The following DCDC2C variants were observed in gnomAD, a reference collection of about 807,000 sequenced individuals.
The protein encoded by DCDC2C is doublecortin domain containing 2C.
Under a neutral mutation model 45.0 loss-of-function variants are expected in DCDC2C, and 44 were observed. The ratio of observed to expected loss-of-function variants is 0.98; its 90% CI spans 0.77 to 1.26. The LOEUF is 1.26. Among genes scored for constraint, DCDC2C ranks in the 50% most tolerant of loss-of-function variants. The pLI is 0.00. For missense variants in DCDC2C, 447 were observed against 468.9 expected (o/e 0.95, Z 0.43); for synonymous variants, 187 against 178.8 (o/e 1.05, Z -0.37).
At chr2:3,768,520 C>T (rs1189568258) in intron 7 of DCDC2C, among the ~76,000 whole-genome samples, 1 of 152,194 alleles carries the variant, frequency 6.6e-6, no homozygotes, top group Non-Finnish European at 1.5e-5. Flanking sequence ...TCTGCAGCAG[C>T]TGAACATTTT....
chr2:3,840,296 A>G (rs956745067), intron 10 of DCDC2C, among the ~76,000 whole-genome samples: 1 of 152,196 alleles, frequency 6.6e-6, no homozygotes, highest in Non-Finnish European at 1.5e-5. Context: ...ACCTGGAAAG[A>G]CCCTGTCACC....
chr2:3,779,209 G>A (rs2148172337), intron 9 of DCDC2C, among the ~76,000 whole-genome samples: 1 of 152,368 alleles, frequency 6.6e-6, no homozygotes, highest in South Asian at 2.1e-4. Context: ...GGAGGTGAAG[G>A]AAGGCAGCAG....
chr2:3,741,828 T>C, intron 3 of DCDC2C, 92 bp from the exon 4 acceptor site: 1 of 1,346,336 alleles, frequency 7.4e-7, no homozygotes, highest in East Asian at 2.6e-5. Context: ...CTCATTGTTT[T>C]TACAGTTCTG....
intron 10 of DCDC2C, among the ~76,000 whole-genome samples, chr2:3,805,639 A>T (rs909161095): frequency 6.6e-6 from 1 of 152,210 alleles, no homozygotes; most frequent in Non-Finnish European, 1.5e-5. Flanking sequence ...TAAAAGAAGT[A>T]ATTAGGTTTT....
chr2:3,807,810 A>G (rs1390813393), intron 10 of DCDC2C, among the ~76,000 whole-genome samples: 2 of 152,014 alleles, frequency 1.3e-5, no homozygotes, highest in African/African-American at 4.8e-5. Context: ...TCAGAGTGTC[A>G]TAGGCTGGAA....
At chr2:3,783,616 C>T (rs1670571947) in intron 9 of DCDC2C, among the ~76,000 whole-genome samples, 1 of 152,246 alleles carries the variant, frequency 6.6e-6, no homozygotes, top group Admixed American at 6.5e-5. Context: ...CCTTTCATAT[C>T]ACCTTGCACA....
intron 10 of DCDC2C, among the ~76,000 whole-genome samples, chr2:3,797,002 A>C (rs1670975499): frequency 6.6e-6 from 1 of 151,562 alleles, no homozygotes; most frequent in Non-Finnish European, 1.5e-5. Context: ...CTGGTCCTGG[A>C]CTCTTTTTGG....
At chr2:3,805,930 G>A (rs754822436) in intron 10 of DCDC2C, among the ~76,000 whole-genome samples, 2 of 152,102 alleles carry the variant, frequency 1.3e-5, no homozygotes, top group Non-Finnish European at 2.9e-5. Flanking sequence ...GCTAGAGTGC[G>A]GGTTGTACTG....
At chr2:3,768,923 G>A (rs2148153645) in intron 7 of DCDC2C, 1 of 168,646 alleles carries the variant, frequency 5.9e-6, no homozygotes, top group South Asian at 1.7e-4. Flanking sequence ...GTCCAGTGGG[G>A]TTACTTTGCA....
At chr2:3,720,287 G>A (rs562099235) in intron 2 of DCDC2C, among the ~76,000 whole-genome samples, 10 of 152,318 alleles carry the variant, frequency 6.6e-5, no homozygotes, top group South Asian at 2.1e-4. Flanking sequence ...AGTCAGCTGC[G>A]GAAAGTATCA....
intron 10 of DCDC2C, among the ~76,000 whole-genome samples, chr2:3,810,368 T>C (rs1362913068): frequency 6.6e-6 from 1 of 152,244 alleles, no homozygotes; most frequent in Non-Finnish European, 1.5e-5. Flanking sequence ...TTTTCATGTA[T>C]TTGTTAGCCA....
chr2:3,781,388 G>A (rs906314217), intron 9 of DCDC2C, among the ~76,000 whole-genome samples: 4 of 152,170 alleles, frequency 2.6e-5, no homozygotes, highest in African/African-American at 4.8e-5. Flanking sequence ...CTCAAAGACC[G>A]GGATTGTGTC....
intron 8 of DCDC2C, among the ~76,000 whole-genome samples, chr2:3,777,692 T>A (rs1281467864): frequency 6.6e-6 from 1 of 152,246 alleles, no homozygotes; most frequent in African/African-American, 2.4e-5. Context: ...GGTCTGAGTT[T>A]TCAGAAGGTC....
intron 8 of DCDC2C, among the ~76,000 whole-genome samples, chr2:3,775,083 G>A (rs922465626): frequency 2.8e-5 from 4 of 143,298 alleles, no homozygotes; most frequent in African/African-American, 1.0e-4. Flanking sequence ...TTTTTTTTTT[G>A]GGTGAGGAAC....
intron 9 of DCDC2C, among the ~76,000 whole-genome samples, chr2:3,782,623 C>A (rs1015560643): frequency 2.6e-5 from 4 of 152,072 alleles, no homozygotes; most frequent in Non-Finnish European, 5.9e-5. Flanking sequence ...GGACTACAGG[C>A]ACCTGCCACC....
At chr2:3,722,391 A>T (rs1668526051) in intron 2 of DCDC2C, among the ~76,000 whole-genome samples, 1 of 152,160 alleles carries the variant, frequency 6.6e-6, no homozygotes, top group Non-Finnish European at 1.5e-5. Flanking sequence ...TGTTACCTAG[A>T]TATTTTGCCT....
chr2:3,708,462 C>A, intron 1 of DCDC2C, 87 bp from the exon 2 acceptor site: 3 of 1,049,476 alleles, frequency 2.9e-6, no homozygotes, highest in Non-Finnish European at 2.7e-6. Flanking sequence ...TCTATTAAGC[C>A]GGAAAAGGAC....
intron 3 of DCDC2C, among the ~76,000 whole-genome samples, chr2:3,728,395 A>G (rs975403484): frequency 5.3e-5 from 8 of 152,192 alleles, no homozygotes; most frequent in Non-Finnish European, 1.0e-4. Context: ...GTATTTCTGA[A>G]TTTTGTTAGT....
At chr2:3,807,981 A>G (rs1489153862) in intron 10 of DCDC2C, among the ~76,000 whole-genome samples, 1 of 152,226 alleles carries the variant, frequency 6.6e-6, no homozygotes, top group Non-Finnish European at 1.5e-5. Flanking sequence ...TTTGGGTCCA[A>G]CTTTTGAATA....
Sources: allele counts gnomAD v4.1 joint callset (sites outside exome capture counted in the v4.1 genomes callset), GRCh38; gene constraint gnomAD v4.1.1; transcripts MANE v1.5; gene names NCBI Gene and HGNC (gene_info 2026-07-23, HGNC 2026-07-21).